LMBRD1: variants seen among roughly 807,000 people sequenced by gnomAD.
LMBRD1 encodes lysosomal cobalamin transport escort protein LMBD1.
A neutral mutation model predicts 74.8 loss-of-function variants in LMBRD1; 64 were observed. The observed-to-expected ratio is 0.86, with a 90% CI of 0.70 to 1.05. The LOEUF is 1.05. Among genes scored for constraint, LMBRD1 ranks in the 50% least tolerant of loss-of-function variants. LMBRD1 has a pLI of 0.00. For missense variants in LMBRD1, 652 were observed against 645.9 expected (o/e 1.01, Z -0.10); for synonymous variants, 204 against 216.3 (o/e 0.94, Z 0.50).
chr6:69,734,753 A>G lies in LMBRD1; in HGVS notation c.636+3189T>C, dbSNP rs141636485. On this transcript the variant is annotated intron_variant, in intron 7 of 15. Transcript: ENST00000649934. ...TAAACAAAAGCTAACTTCCTATTGCATATTTCTGGTCACAAGAACATCACC... is the reference window on the plus strand; with the variant it reads ...TAAACAAAAGCTAACTTCCTATTGCGTATTTCTGGTCACAAGAACATCACC... 6.5e-3 allele frequency among the ~76,000 whole-genome samples: 997 copies of G among 152,360 alleles called. 10 individuals carry two copies. The highest frequency in any genetic ancestry group is 0.01 in the Non-Finnish European group (684 of 68,030).
At chr6:69,681,620 C>T (rs1582040318) in intron 14 of LMBRD1, among the ~76,000 whole-genome samples, 1 of 151,528 alleles carries the variant, frequency 6.6e-6, no homozygotes, top group South Asian at 2.1e-4. Flanking sequence ...CCTTATTTTA[C>T]GTGTATATAT....
At chr6:69,769,947 AGT>A (rs970556468) in intron 3 of LMBRD1, among the ~76,000 whole-genome samples, 12 of 152,078 alleles carry the variant, frequency 7.9e-5, no homozygotes, top group African/African-American at 2.9e-4. Flanking sequence ...TTGGTAGGAG[AGT>A]GTATTAAAAG....
intron 12 of LMBRD1, among the ~76,000 whole-genome samples, chr6:69,700,389 T>C (rs1766100324): frequency 6.6e-6 from 1 of 151,848 alleles, no homozygotes; most frequent in East Asian, 1.9e-4. Context: ...AGAAATAATA[T>C]AACTTTTGGA....
intron 2 of LMBRD1, 142 bp from the exon 3 acceptor site, chr6:69,780,696 G>C: frequency 1.5e-6 from 1 of 682,454 alleles, no homozygotes; most frequent in African/African-American, 1.8e-5. Context: ...ATAAGTGAGA[G>C]ACAGACAATA....
chr6:69,772,324 C>T (rs1015308244), intron 3 of LMBRD1, among the ~76,000 whole-genome samples: 2 of 151,956 alleles, frequency 1.3e-5, no homozygotes, highest in South Asian at 2.1e-4. Context: ...AGAAAGAGAA[C>T]GAACCAACAA....
At chr6:69,683,483 A>C (rs1265397584) in intron 14 of LMBRD1, among the ~76,000 whole-genome samples, 1 of 152,076 alleles carries the variant, frequency 6.6e-6, no homozygotes, top group African/African-American at 2.4e-5. Flanking sequence ...GAAGCTAAAT[A>C]TAGATGCTGG....
At position 69,726,369 on chromosome 6, in the gene LMBRD1, C is replaced by T. The variant is rs1479979272; in HGVS notation, c.637-7288G>A. On this transcript the variant is annotated intron_variant, in intron 7 of 15. Transcript: ENST00000649934. ...GCTACTATATGATCTAGCAATCCCA[C>T]TATTTGGCACATACTCAAAAGAAAG... Among the ~76,000 whole-genome samples, 12 of 152,292 alleles carry T rather than the reference C, an allele frequency of 7.9e-5. No homozygotes were observed. In the East Asian group the frequency reaches 1.9e-3, roughly 25 times the overall value.
chr6:69,774,049 C>T (rs555177300), intron 3 of LMBRD1, among the ~76,000 whole-genome samples: 48 of 152,310 alleles, frequency 3.2e-4, no homozygotes, highest in Non-Finnish European at 6.2e-4. Flanking sequence ...TTTGGCTCTG[C>T]GTCCCCACTT....
intron 14 of LMBRD1, among the ~76,000 whole-genome samples, chr6:69,691,549 A>C (rs1348128417): frequency 1.3e-5 from 2 of 152,152 alleles, no homozygotes; most frequent in Non-Finnish European, 2.9e-5. Flanking sequence ...AGATTCTGTG[A>C]AAATAAGTCA....
At chr6:69,750,420 G>T (rs895050531) in intron 4 of LMBRD1, among the ~76,000 whole-genome samples, 1 of 151,846 alleles carries the variant, frequency 6.6e-6, no homozygotes, top group South Asian at 2.1e-4. Context: ...TACTCCAAAG[G>T]CTAAGAAAAG....
At chr6:69,764,332 A>ACT (rs113092782) in intron 3 of LMBRD1, among the ~76,000 whole-genome samples, 1,894 of 147,822 alleles carry the variant, frequency 0.013, 25 homozygotes, top group East Asian at 0.079. Flanking sequence ...TCGTTACCTC[A>ACT]CTCTCTCTCT....
chr6:69,790,394 C>T lies in LMBRD1; in HGVS notation c.148G>A (p.Ala50Thr). 6.2e-7 allele frequency: 1 copy of T among 1,613,942 alleles called. No individual in the cohort carries two copies. The highest frequency in any genetic ancestry group is 8.5e-7 in the Non-Finnish European group (1 of 1,179,884). Residue 50 changes from alanine to threonine, a missense_variant, in exon 2 of 16, where the codon GCA becomes ACA. Physicochemically the swap from Ala to Thr is moderately conservative, Grantham distance 58 (BLOSUM62 0). Coordinates refer to ENST00000649934, the MANE Select transcript of LMBRD1 (RefSeq NM_018368.4). Reference protein sequence around the residue: ...RESEVVSTITAIFSLAIALIT... With the variant: ...RESEVVSTITTIFSLAIALIT... ...AGTGCAATTGCTAGAGAAAAAATTG[C>T]TGTTATGGTGGAGACAACTTCACTT... is the stretch of plus-strand genomic sequence containing the variant.
At chr6:69,697,449 A>G (rs1766027144) in intron 14 of LMBRD1, 114 bp downstream of exon 14, 1 of 763,392 alleles carries the variant, frequency 1.3e-6, no homozygotes, top group South Asian at 1.5e-5. Flanking sequence ...TCTACTTGCT[A>G]AAAGTTTCCT....
chr6:69,727,029 C>T (rs927522667), intron 7 of LMBRD1, among the ~76,000 whole-genome samples: 1 of 152,028 alleles, frequency 6.6e-6, no homozygotes, highest in Non-Finnish European at 1.5e-5. Flanking sequence ...GTGGCAAGCA[C>T]CTGTTGTCCC....
At chr6:69,699,723 T>C (rs1355511715) in intron 12 of LMBRD1, among the ~76,000 whole-genome samples, 1 of 151,836 alleles carries the variant, frequency 6.6e-6, no homozygotes, top group African/African-American at 2.4e-5. Context: ...CCAGGTAACT[T>C]GCTTCATTTC....
At chr6:69,792,648 T>C (rs1219062853) in intron 1 of LMBRD1, among the ~76,000 whole-genome samples, 2 of 152,234 alleles carry the variant, frequency 1.3e-5, no homozygotes, top group Non-Finnish European at 2.9e-5. Context: ...TATTAATATT[T>C]GAATGAGCTT....
At chr6:69,705,040 C>T (rs967669121) in intron 9 of LMBRD1, among the ~76,000 whole-genome samples, 1 of 151,880 alleles carries the variant, frequency 6.6e-6, no homozygotes, top group African/African-American at 2.4e-5. Flanking sequence ...TGTCTGACCA[C>T]CACTACTACT....
intron 2 of LMBRD1, among the ~76,000 whole-genome samples, chr6:69,789,245 C>G (rs1766027900): frequency 6.6e-6 from 1 of 152,112 alleles, no homozygotes; most frequent in Non-Finnish European, 1.5e-5. Context: ...CCATTTGGAC[C>G]AGGGATCGTG....
intron 14 of LMBRD1, among the ~76,000 whole-genome samples, chr6:69,690,890 A>G (rs1195180492): frequency 6.6e-6 from 1 of 152,136 alleles, no homozygotes; most frequent in East Asian, 1.9e-4. Flanking sequence ...TTTCCTAACA[A>G]TTTAAGATTT....
Sources: allele counts gnomAD v4.1 joint callset (sites outside exome capture counted in the v4.1 genomes callset), GRCh38; gene constraint gnomAD v4.1.1; transcripts MANE v1.5; gene names NCBI Gene and HGNC (gene_info 2026-07-23, HGNC 2026-07-21).